The following TMEM165 variants were observed in gnomAD, a reference collection of about 807,000 sequenced individuals.
The protein encoded by TMEM165 is putative divalent cation/proton antiporter TMEM165.
Under a neutral mutation model 30.0 loss-of-function variants are expected in TMEM165, and 19 were observed. The ratio of observed to expected loss-of-function variants is 0.63; its 90% CI spans 0.44 to 0.93. TMEM165 has a LOEUF of 0.93. TMEM165 is among the 40% of genes least tolerant of loss of function. The probability of loss-of-function intolerance (pLI) is 0.00; values close to 1 mark genes in which losing one functional copy is unlikely to be tolerated. For missense variants in TMEM165, 340 were observed against 417.0 expected (o/e 0.82, Z 1.61); for synonymous variants, 168 against 162.9 (o/e 1.03, Z -0.24).
In TMEM165 at chr4:55,424,659, T is replaced by C. The variant is rs746634688; in HGVS notation, c.898+16T>C. The stretch of plus-strand genomic sequence containing the variant: ...GTCAGAACTGGTAAGTCTTGAAAAT[T>C]ACAAATCAGATAACATTTTAGAATC... On this transcript the variant is annotated intron_variant, in intron 5 of 5. Coordinates refer to ENST00000381334, the MANE Select transcript of TMEM165 (RefSeq NM_018475.5). The C allele has an allele frequency of 1.2e-5, 17 of 1,460,894 alleles. 1 individual carries two copies. The South Asian group carries it at 1.8e-4, about 16-fold the overall frequency. The allele number at this position is 1,460,894 out of a possible 1,614,324, so 90.5% of individuals were successfully genotyped here.
intron 3 of TMEM165, chr4:55,444,809 G>C (rs1420463355): frequency 1.2e-6 from 2 of 1,610,820 alleles, no homozygotes; most frequent in East Asian, 4.5e-5. Context: ...TACGGAAAAA[G>C]TGTAATATAT....
At chr4:55,443,940 AAAG>A in intron 3 of TMEM165, 5 of 1,559,110 alleles carry the variant, frequency 3.2e-6, no homozygotes, top group Non-Finnish European at 4.4e-6. Flanking sequence ...TGTAGATTGA[AAAG>A]AAGAATGAGC....
chr4:55,433,580 A>C (rs1429804244), intron 3 of TMEM165: 1 of 152,208 alleles, frequency 6.6e-6, no homozygotes, highest in African/African-American at 2.4e-5. Flanking sequence ...CAACTCTGTT[A>C]CACATTTTCT....
intron 3 of TMEM165, among the ~76,000 whole-genome samples, chr4:55,444,348 A>G (rs1577683189): frequency 6.6e-6 from 1 of 152,198 alleles, no homozygotes; most frequent in Admixed American, 6.5e-5. Context: ...CTAAAACTTT[A>G]TGTAAAATAT....
rs1721804129 is a variant in TMEM165 at position 55,417,863 on chromosome 4, G to C, written c.670G>C (p.Val224Leu). 6.2e-7 allele frequency: 1 copy of C among 1,613,948 alleles called. No homozygotes were observed. Among genetic ancestry groups the C allele is most frequent in the Non-Finnish European group, 8.5e-7 (1 of 1,180,004 alleles). The part of the protein sequence containing the change: ...GDVETGTSIT[V>L]PQKKWLHFIS... Reference sequence around the variant, plus strand: ...TGTTGAAACGGGTACAAGCATAACAGTACCTCAGAAAAAGTGGTTGCATTT... The same window carrying C: ...TGTTGAAACGGGTACAAGCATAACACTACCTCAGAAAAAGTGGTTGCATTT... The change falls in exon 4 of 6, where the codon GTA (valine) becomes CTA (leucine). Residue 224 changes from valine (V) to leucine (L), a missense_variant. By Grantham distance (32) the Val-to-Leu change is conservative. Around this residue, in one of 2 missense-constraint regions of TMEM165, gnomAD observed 220 missense variants for 307.6 expected, o/e 0.72. Coordinates refer to ENST00000381334, the MANE Select transcript of TMEM165 (RefSeq NM_018475.5).
chr4:55,420,098 G>A lies in TMEM165; in HGVS notation c.792+2113G>A, dbSNP rs796357633. Reference sequence around the variant, plus strand: ...GTGACAGAGTGAGACACTATCTTAAGAAAAAAAAATATATATATATATACA... The same window carrying A: ...GTGACAGAGTGAGACACTATCTTAAAAAAAAAAAATATATATATATATACA... On this transcript the variant is annotated intron_variant, in intron 4 of 5. Transcript: ENST00000381334. Among the ~76,000 whole-genome samples, 99 of 43,714 alleles carry A rather than the reference G, an allele frequency of 2.3e-3. No individual in the cohort carries two copies. In the East Asian group the frequency reaches 0.024, roughly 11 times the overall value. The allele number at this position is 43,714 out of a possible 152,430, so 28.7% of individuals were successfully genotyped here.
rs1009817569 is a variant in TMEM165, at chr4:55,401,626, T to A, written c.207+5230T>A. On this transcript the variant is annotated intron_variant, in intron 1 of 5. Coordinates refer to ENST00000381334, the MANE Select transcript of TMEM165 (RefSeq NM_018475.5). ...TGTGAGAGTACCTTCTACAAAACAT[T>A]TTAAACTTTTTTCTATTTTCATTAA... is the stretch of plus-strand genomic sequence containing the variant. 7.3e-5 allele frequency among the ~76,000 whole-genome samples: 11 copies of A among 150,456 alleles called. No homozygotes were observed. In the South Asian group the frequency reaches 8.3e-4, roughly 11 times the overall value.
chr4:55,448,938 T>C (rs1577696626), intron 3 of TMEM165: 2 of 1,161,402 alleles, frequency 1.7e-6, no homozygotes, highest in East Asian at 4.8e-5. Context: ...AGCAGAAATA[T>C]CAATATGATA....
chr4:55,424,970 C>T (rs1037940351), intron 5 of TMEM165, among the ~76,000 whole-genome samples: 4 of 152,140 alleles, frequency 2.6e-5, no homozygotes, highest in Non-Finnish European at 5.9e-5. Context: ...ATGTGGAGAC[C>T]ATATGTACTG....
intron 3 of TMEM165, among the ~76,000 whole-genome samples, chr4:55,451,240 T>C (rs866810279): frequency 1.3e-5 from 2 of 152,174 alleles, no homozygotes; most frequent in African/African-American, 2.4e-5. Context: ...TGATCACCAA[T>C]GAATTAAATG....
chr4:55,453,356 T>TTA, exon 4 of TMEM165: 1 of 503,392 alleles, frequency 2.0e-6, no homozygotes, highest in Non-Finnish European at 3.5e-6. Context: ...CACACAATAC[T>TTA]TAAATTAAGA....
At chr4:55,415,516 A>C (rs1000556197) in intron 2 of TMEM165, 1 of 152,146 alleles carries the variant, frequency 6.6e-6, no homozygotes, top group African/African-American at 2.4e-5. Context: ...AGAACCCAAG[A>C]TCTAGGTGCA....
At chr4:55,414,697 C>A (rs954996923) in intron 2 of TMEM165, among the ~76,000 whole-genome samples, 1 of 152,236 alleles carries the variant, frequency 6.6e-6, no homozygotes, top group East Asian at 1.9e-4. Flanking sequence ...TCTTTTTAGT[C>A]TTTTAATCTG....
intron 3 of TMEM165, among the ~76,000 whole-genome samples, chr4:55,447,317 T>C (rs62303708): frequency 0.23 from 34,869 of 152,080 alleles, 4,571 homozygotes; most frequent in South Asian, 0.37. Flanking sequence ...TAAGCCGAGA[T>C]TGCGCCACTG....
intron 1 of TMEM165, among the ~76,000 whole-genome samples, chr4:55,408,922 CT>C (rs35089311): frequency 2.1e-3 from 296 of 142,724 alleles, no homozygotes; most frequent in African/African-American, 4.8e-3. Context: ...TTGAAATGCC[CT>C]TTTTTTTTTT....
At chr4:55,441,661 G>T (rs1235088817) in intron 3 of TMEM165, among the ~76,000 whole-genome samples, 1 of 152,218 alleles carries the variant, frequency 6.6e-6, no homozygotes, top group Admixed American at 6.5e-5. Context: ...ATTCTCACTT[G>T]TAAGTGGGAG....
intron 3 of TMEM165, chr4:55,442,762 G>C: frequency 1.2e-6 from 1 of 826,600 alleles, no homozygotes; most frequent in Non-Finnish European, 2.0e-6. Context: ...ATATTACTCT[G>C]GGGGAAATAT....
intron 2 of TMEM165, chr4:55,415,855 C>T (rs1049904725): frequency 2.5e-4 from 38 of 151,272 alleles, no homozygotes; most frequent in African/African-American, 7.3e-4. Flanking sequence ...ATTTTTCTTT[C>T]TTTCTTTTTT....
downstream of TMEM165, among the ~76,000 whole-genome samples, chr4:55,427,220 A>C (rs764429643): frequency 6.0e-5 from 9 of 149,322 alleles, no homozygotes; most frequent in Non-Finnish European, 8.9e-5. Context: ...TTTTTAGTAG[A>C]GATGATGGAG....
Sources: allele counts gnomAD v4.1 joint callset (sites outside exome capture counted in the v4.1 genomes callset), GRCh38; gene constraint gnomAD v4.1.1; regional missense constraint gnomAD v4.1.1; transcripts MANE v1.5; gene names NCBI Gene and HGNC (gene_info 2026-07-23, HGNC 2026-07-21).